The following BUD13 variants were observed in gnomAD, a reference collection of about 807,000 sequenced individuals.
BUD13 encodes the protein BUD13 spliceosome associated protein, also known as BUD13 homolog.
In BUD13, 47 loss-of-function variants were observed where a neutral mutation model predicts 62.5. The ratio of observed to expected loss-of-function variants is 0.75; its 90% CI spans 0.60 to 0.96. The LOEUF is 0.96. BUD13 is among the 40% of genes least tolerant of loss of function. The probability of loss-of-function intolerance (pLI) is 0.00; values close to 1 mark genes in which losing one functional copy is unlikely to be tolerated. For missense variants in BUD13, 821 were observed against 790.9 expected, an observed-to-expected ratio of 1.04 and a Z score of -0.46; for synonymous variants, 293 against 280.1, an observed-to-expected ratio of 1.05 and a Z score of -0.46.
chr11:116,755,030 A>T (rs1940300140), intron 9 of BUD13, among the ~76,000 whole-genome samples: 1 of 152,262 alleles, frequency 6.6e-6, no homozygotes, highest in African/African-American at 2.4e-5. Flanking sequence ...CTGCCAATAT[A>T]GAAACCAATC....
intron 9 of BUD13, among the ~76,000 whole-genome samples, chr11:116,749,905 T>C (rs1275580124): frequency 1.3e-5 from 2 of 152,062 alleles, no homozygotes; most frequent in Admixed American, 1.3e-4. Flanking sequence ...ACTAATTGAT[T>C]AGGTACACAA....
At chr11:116,759,762 G>A (rs1400029038) in intron 5 of BUD13, among the ~76,000 whole-genome samples, 3 of 152,132 alleles carry the variant, frequency 2.0e-5, no homozygotes, top group African/African-American at 4.8e-5. Flanking sequence ...TATATAAAAT[G>A]CCAAGAGGTC....
At chr11:116,768,844 A>G (rs1940575539) in intron 2 of BUD13, among the ~76,000 whole-genome samples, 1 of 151,736 alleles carries the variant, frequency 6.6e-6, no homozygotes, top group Non-Finnish European at 1.5e-5. Flanking sequence ...TCTACTAAAA[A>G]TACAAAAAAA....
intron 8 of BUD13, 138 bp downstream of exon 8, chr11:116,757,628 T>C (rs1434305934): frequency 9.6e-6 from 11 of 1,147,822 alleles, no homozygotes; most frequent in South Asian, 4.7e-5. Flanking sequence ...GAAAGACCAA[T>C]TGAGTTGAAT....
At chr11:116,756,606 G>C (rs1208925631) in intron 9 of BUD13, among the ~76,000 whole-genome samples, 1 of 152,166 alleles carries the variant, frequency 6.6e-6, no homozygotes, top group East Asian at 1.9e-4. Flanking sequence ...GGCAAGAGGA[G>C]ATGGGATCTA....
rs576805997 is a variant in BUD13 at position 116,771,297 on chromosome 11, A to G, written c.144-1075T>C. On this transcript the variant is annotated intron_variant, in intron 1 of 9. Coordinates refer to ENST00000260210, the MANE Select transcript of BUD13 (RefSeq NM_032725.4). ...GTTGCTTAAAGCCTGTATTCCCATT[A>G]ATCTATAAGCTCCACAAGAACAGGG... 4.6e-5 allele frequency among the ~76,000 whole-genome samples: 7 copies of G among 152,242 alleles called. No homozygotes were observed. In the South Asian group the frequency reaches 1.4e-3, roughly 31 times the overall value.
At chr11:116,765,014 T>A (rs1199703540) in intron 3 of BUD13, among the ~76,000 whole-genome samples, 2 of 152,034 alleles carry the variant, frequency 1.3e-5, no homozygotes, top group East Asian at 3.9e-4. Flanking sequence ...GTAGCTAAAG[T>A]CCCCAAATTC....
intron 4 of BUD13, among the ~76,000 whole-genome samples, chr11:116,762,113 T>A (rs1940441074): frequency 2.0e-5 from 3 of 152,248 alleles, no homozygotes; most frequent in Admixed American, 2.0e-4. Flanking sequence ...AGATGTTTTA[T>A]GGCCTGAGGA....
chr11:116,761,897 G>C (rs1591299465), intron 4 of BUD13, among the ~76,000 whole-genome samples: 2 of 152,098 alleles, frequency 1.3e-5, no homozygotes, highest in Non-Finnish European at 2.9e-5. Flanking sequence ...AGCTTTCTAG[G>C]AAACTTATAT....
chr11:116,772,830 G>T lies in BUD13; in HGVS notation c.135C>A (p.Gly45=). The part of the protein sequence containing the change: ...RKKRPKPGGA[G]GKGMRIVDDD... ...GGCCGGTACCAACTCACCCCTTGCC[G>T]CCGGCCCCGCCAGGCTTCGGCCGCT... Residue 45 remains glycine (G), a synonymous_variant, in exon 1 of 10, where the codon GGC becomes GGA. Transcript: ENST00000260210. 1 of 1,575,330 alleles carries T rather than the reference G, an allele frequency of 6.3e-7. No individual in the cohort carries two copies. The highest frequency in any genetic ancestry group is 2.4e-5 in the East Asian group (1 of 41,776).
chr11:116,757,922 TTTGTTGCTG>T lies in BUD13; in HGVS notation c.1519_1527del (p.Gln507_Gln509del), dbSNP rs1940360074. 6.2e-7 allele frequency: 1 copy of T among 1,614,002 alleles called. No individual in the cohort carries two copies. Among genetic ancestry groups the T allele is most frequent in the South Asian group, 1.1e-5 (1 of 91,082 alleles). On this transcript the variant is annotated inframe_deletion, in exon 8 of 10. Transcript: ENST00000260210. ...ATCTCTTTCATTGCATCCTCCACAT[TTTGTTGCTG>T]TTGCCGGCTCTGGGCAAGCCTGGGC...
chr11:116,748,427 T>G lies in BUD13; in HGVS notation c.*55A>C, dbSNP rs1267613253. On this transcript the variant is annotated 3_prime_UTR_variant, in exon 10 of 10. Coordinates refer to ENST00000260210, the MANE Select transcript of BUD13 (RefSeq NM_032725.4). The stretch of plus-strand genomic sequence containing the variant: ...CACAGACAACTGTTACCACTGGATA[T>G]CTCGCTGCCTATGCCCACTACCACA... 2.7e-5 allele frequency: 40 copies of G among 1,485,984 alleles called. No homozygotes were observed. 92.0% of individuals were successfully genotyped at this position (1,485,984 alleles called of 1,614,324 possible).
chr11:116,756,798 T>C (rs938381324), intron 9 of BUD13, among the ~76,000 whole-genome samples: 1 of 152,150 alleles, frequency 6.6e-6, no homozygotes, highest in Non-Finnish European at 1.5e-5. Context: ...GAGGCTACAT[T>C]TTAAAGATAT....
intron 9 of BUD13, 105 bp from the exon 10 acceptor site, chr11:116,748,680 G>C (rs990885823): frequency 4.2e-6 from 5 of 1,184,604 alleles, no homozygotes; most frequent in Non-Finnish European, 6.1e-6. Context: ...GGAAAGTAAG[G>C]AGTCATATGA....
rs944950399 is a variant in BUD13 at position 116,772,907 on chromosome 11, C to T, written c.58G>A (p.Ala20Thr). 6.3e-7 allele frequency: 1 copy of T among 1,590,038 alleles called. No homozygotes were observed. Among genetic ancestry groups the T allele is most frequent in the Non-Finnish European group, 8.6e-7 (1 of 1,168,872 alleles). ...GATCCCCGGTCGACGCCGGCATCTGCCCCGGACAAGTAACGCTTCAGATAC... is the reference window on the plus strand; with the variant it reads ...GATCCCCGGTCGACGCCGGCATCTGTCCCGGACAAGTAACGCTTCAGATAC... ...AEYLKRYLSG[A>T]DAGVDRGSES... The change falls in exon 1 of 10, where the codon GCA becomes ACA. Residue 20 changes from alanine (A) to threonine (T), a missense_variant. By Grantham distance (58) the Ala-to-Thr change is moderately conservative (BLOSUM62 0). Coordinates refer to ENST00000260210, the MANE Select transcript of BUD13 (RefSeq NM_032725.4).
Position 116,760,844 on chromosome 11 carries a change from C to G in BUD13, c.1145G>C (p.Arg382Thr), listed in dbSNP as rs1703690377. 1 of 1,614,136 alleles carries G rather than the reference C, an allele frequency of 6.2e-7. No individual in the cohort carries two copies. Among genetic ancestry groups the G allele is most frequent in the Non-Finnish European group, 8.5e-7 (1 of 1,180,010 alleles). The change falls in exon 5 of 10, where the codon AGA (arginine) becomes ACA (threonine). Residue 382 changes from arginine to threonine, a missense_variant. Around this residue, in one of 2 missense-constraint regions of BUD13, gnomAD observed 800 missense variants for 739.2 expected, o/e 1.08. Transcript: ENST00000260210. ...SDLSPPRNRP[R>T]HRSSDSDLSP... ...GAGGTCAGAATCAGAGCTCCGGTGT[C>G]TAGGTCTATTCCGTGGAGGTGACAG...
At chr11:116,760,171 T>C (rs989757188) in intron 5 of BUD13, among the ~76,000 whole-genome samples, 11 of 152,206 alleles carry the variant, frequency 7.2e-5, no homozygotes, top group Non-Finnish European at 1.5e-4. Context: ...ATAGTCCAAT[T>C]TATACTAGTA....
intron 8 of BUD13, among the ~76,000 whole-genome samples, chr11:116,757,487 G>C (rs1421338467): frequency 2.0e-5 from 3 of 146,748 alleles, no homozygotes; most frequent in Non-Finnish European, 3.0e-5. Flanking sequence ...TGTATTTTTA[G>C]TAGAGATGGG....
rs762255237 is a variant in BUD13 at position 116,762,663 on chromosome 11, T to C, written c.926A>G (p.His309Arg). Residue 309 changes from histidine (H) to arginine (R), a missense_variant, in exon 4 of 10, where the codon CAT (histidine) becomes CGT (arginine). Physicochemically the swap from His to Arg is conservative, Grantham distance 29. Around this residue, in one of 2 missense-constraint regions of BUD13, gnomAD observed 800 missense variants for 739.2 expected, o/e 1.08. Coordinates refer to ENST00000260210, the MANE Select transcript of BUD13 (RefSeq NM_032725.4). ...SPHWKESGAS[H>R]LSFPKNSKYE... is the part of the protein sequence containing the mutation. Reference sequence around the variant, plus strand: ...TTTGCTGTTCTTTGGGAATGACAAATGGGAGGCTCCTGACTCCTTCCAATG... The same window carrying C: ...TTTGCTGTTCTTTGGGAATGACAAACGGGAGGCTCCTGACTCCTTCCAATG... The C allele has an allele frequency of 5.0e-6, 8 of 1,614,058 alleles. No homozygotes were observed. Among genetic ancestry groups the C allele is most frequent in the Non-Finnish European group, 6.8e-6 (8 of 1,180,028 alleles).
Sources: gnomAD v4.1 joint callset for allele counts (sites outside exome capture counted in the v4.1 genomes callset) on GRCh38, gnomAD v4.1.1 for gene constraint, gnomAD v4.1.1 regional missense constraint, MANE v1.5 for transcripts, NCBI Gene and HGNC (gene_info 2026-07-23, HGNC 2026-07-21) for gene names.